Variants in ZNF569 observed in about 807,000 individuals in gnomAD.
The protein encoded by ZNF569 is DNA-binding protein.
In ZNF569, 38 loss-of-function variants were observed where a neutral mutation model predicts 56.3. The observed-to-expected ratio is 0.68, with a 90% CI of 0.52 to 0.88. The LOEUF (loss-of-function observed/expected upper bound fraction) is 0.88, where lower values mean the gene tolerates loss of function less well. Among genes scored for constraint, ZNF569 ranks in the 40% least tolerant of loss-of-function variants. The pLI is 0.00. For missense variants in ZNF569, 666 were observed against 809.2 expected (o/e 0.82, Z 2.15); for synonymous variants, 241 against 262.9 (o/e 0.92, Z 0.81).
chr19:37,414,831 A>G (rs2040901671), intron 5 of ZNF569, among the ~76,000 whole-genome samples: 1 of 152,162 alleles, frequency 6.6e-6, no homozygotes, highest in East Asian at 1.9e-4. Context: ...ACTTTTCTGG[A>G]TTGTAAATTA....
intron 2 of ZNF569, among the ~76,000 whole-genome samples, chr19:37,449,612 G>A (rs908343229): frequency 1.4e-5 from 2 of 143,594 alleles, no homozygotes; most frequent in Admixed American, 6.9e-5. Context: ...TAAATCCCTT[G>A]TTCTAAACTT....
At chr19:37,451,920 C>T (rs151205699) in intron 2 of ZNF569, among the ~76,000 whole-genome samples, 109 of 152,172 alleles carry the variant, frequency 7.2e-4, no homozygotes, top group East Asian at 3.9e-4. Context: ...GTTTAATGTG[C>T]GTTTCCTGTA....
Position 37,426,232 on chromosome 19 carries a change from A to G in ZNF569, c.142+20T>C. On this transcript the variant is annotated intron_variant, in intron 4 of 5. Transcript: ENST00000316950. The stretch of plus-strand genomic sequence containing the variant: ...GTACTTTCTTTCCAGAGTTTGAATT[A>G]TATAGTAAATTACTCTTACCTACTG... 3.8e-6 allele frequency: 6 copies of G among 1,591,646 alleles called. No individual in the cohort carries two copies. Among genetic ancestry groups the G allele is most frequent in the Non-Finnish European group, 5.1e-6 (6 of 1,172,768 alleles).
intron 5 of ZNF569, among the ~76,000 whole-genome samples, chr19:37,424,304 T>C (rs1424498909): frequency 2.6e-5 from 4 of 152,016 alleles, no homozygotes; most frequent in African/African-American, 9.7e-5. Flanking sequence ...GAAAGGATCC[T>C]GTATATGAGG....
chr19:37,457,891 T>C (rs2041698794), intron 2 of ZNF569, among the ~76,000 whole-genome samples: 1 of 152,204 alleles, frequency 6.6e-6, no homozygotes, highest in Non-Finnish European at 1.5e-5. Context: ...TATATTCTTT[T>C]TTTTTGGAGA....
intron 3 of ZNF569, among the ~76,000 whole-genome samples, chr19:37,439,410 A>T (rs2041367424): frequency 6.6e-6 from 1 of 152,076 alleles, no homozygotes. Flanking sequence ...ACTAACAAAT[A>T]CTGGCCAGGA....
chr19:37,440,136 A>C (rs1252613678), intron 3 of ZNF569, among the ~76,000 whole-genome samples: 1 of 152,186 alleles, frequency 6.6e-6, no homozygotes, highest in East Asian at 1.9e-4. Context: ...TGCCTGTATC[A>C]AAATACCTCA....
At chr19:37,457,473 GAATAAACA>G (rs1410711967) in intron 2 of ZNF569, among the ~76,000 whole-genome samples, 1 of 152,050 alleles carries the variant, frequency 6.6e-6, no homozygotes, top group East Asian at 1.9e-4. Context: ...TAATGTTTAA[GAATAAACA>G]AAATAACCAT....
Position 37,412,504 on chromosome 19 carries a change from A to C in ZNF569, c.*93T>G, listed in dbSNP as rs987633367. The C allele has an allele frequency of 7.0e-6, 10 of 1,419,154 alleles. No individual in the cohort carries two copies. Among genetic ancestry groups the C allele is most frequent in the South Asian group, 1.9e-5 (1 of 52,734 alleles). The allele number at this position is 1,419,154 out of a possible 1,614,324, so 87.9% of individuals were successfully genotyped here. A position where few individuals can be genotyped will look rare whatever the true frequency, so the allele number is the denominator to read the frequency against. ...TTTTTCAGAAGGCTATCCCACATTCATAGTTTTCTACTCTGGAAGTGATCA... is the reference window on the plus strand; with the variant it reads ...TTTTTCAGAAGGCTATCCCACATTCCTAGTTTTCTACTCTGGAAGTGATCA... On this transcript the variant is annotated 3_prime_UTR_variant, in exon 6 of 6. Coordinates refer to ENST00000316950, the MANE Select transcript of ZNF569 (RefSeq NM_152484.3).
chr19:37,438,816 C>T (rs751001996), intron 3 of ZNF569, among the ~76,000 whole-genome samples: 3 of 151,968 alleles, frequency 2.0e-5, no homozygotes, highest in Non-Finnish European at 4.4e-5. Flanking sequence ...AAGAGGCAAC[C>T]CACAAAATGG....
At chr19:37,462,074 A>C (rs2041765717) in intron 2 of ZNF569, among the ~76,000 whole-genome samples, 1 of 152,066 alleles carries the variant, frequency 6.6e-6, no homozygotes, top group East Asian at 1.9e-4. Context: ...CACGTCCTCC[A>C]CCAATCTCAC....
chr19:37,428,924 C>T (rs2041181074), intron 3 of ZNF569, among the ~76,000 whole-genome samples: 1 of 152,014 alleles, frequency 6.6e-6, no homozygotes, highest in African/African-American at 2.4e-5. Context: ...CTGCCTGCCT[C>T]GGCCTCCCAA....
At chr19:37,452,670 G>GA (rs944516287) in intron 2 of ZNF569, among the ~76,000 whole-genome samples, 2 of 152,072 alleles carry the variant, frequency 1.3e-5, no homozygotes, top group Non-Finnish European at 1.5e-5. Context: ...AGTTTCTGCT[G>GA]AAAAAAATCC....
intron 3 of ZNF569, among the ~76,000 whole-genome samples, chr19:37,437,872 A>G (rs1466758545): frequency 7.4e-5 from 9 of 121,954 alleles, no homozygotes; most frequent in Admixed American, 6.4e-4. Flanking sequence ...TGGAAGGATC[A>G]ATATTGTTAA....
At chr19:37,419,699 G>C (rs367626586) in intron 5 of ZNF569, among the ~76,000 whole-genome samples, 3 of 151,570 alleles carry the variant, frequency 2.0e-5, no homozygotes, top group African/African-American at 4.9e-5. Flanking sequence ...CTCCAGCCTG[G>C]GTAACTAAGA....
chr19:37,428,344 A>AAATGAATG (rs553125324), intron 3 of ZNF569, among the ~76,000 whole-genome samples: 10 of 140,198 alleles, frequency 7.1e-5, no homozygotes, highest in African/African-American at 1.6e-4. Context: ...TCTCTACAAT[A>AAATGAATG]AATGAATGAA....
At chr19:37,442,318 AT>A (rs1281189797) in intron 3 of ZNF569, among the ~76,000 whole-genome samples, 1 of 152,230 alleles carries the variant, frequency 6.6e-6, no homozygotes, top group African/African-American at 2.4e-5. Flanking sequence ...AACCAGTCAT[AT>A]AAATATCTAG....
intron 3 of ZNF569, among the ~76,000 whole-genome samples, chr19:37,434,471 A>G (rs1482955293): frequency 6.6e-6 from 1 of 152,194 alleles, no homozygotes; most frequent in Non-Finnish European, 1.5e-5. Context: ...GGCAGATCAC[A>G]AGGTCAGGAG....
At chr19:37,468,131 C>G (rs941770361), upstream of ZNF569, 4 of 612,076 alleles carry the variant, frequency 6.5e-6, no homozygotes, top group African/African-American at 1.9e-5. Flanking sequence ...GTTGCCCAGG[C>G]TGGAGAGTGC....
Sources: allele counts gnomAD v4.1 joint callset (sites outside exome capture counted in the v4.1 genomes callset), GRCh38; gene constraint gnomAD v4.1.1; transcripts MANE v1.5; gene names NCBI Gene and HGNC (gene_info 2026-07-23, HGNC 2026-07-21).